The following KCNJ6 variants were observed in gnomAD, a reference collection of about 807,000 sequenced individuals.
The protein encoded by KCNJ6 is G protein-activated inward rectifier potassium channel 2.
Under a neutral mutation model 34.2 loss-of-function variants are expected in KCNJ6, and 9 were observed. That is an observed-to-expected ratio of 0.26 (90% confidence interval 0.16 to 0.46). The LOEUF is 0.46. KCNJ6 is among the 20% of genes least tolerant of loss of function. The pLI, the probability that KCNJ6 is intolerant of heterozygous loss-of-function variation, is 1.00. For synonymous variants in KCNJ6, 196 were observed against 207.1 expected (o/e 0.95, Z 0.46); for missense variants, 236 against 531.3 (o/e 0.44, Z 5.46).
chr21:37,638,933 C>T (rs1476535092), intron 3 of KCNJ6, among the ~76,000 whole-genome samples: 1 of 152,232 alleles, frequency 6.6e-6, no homozygotes, highest in African/African-American at 2.4e-5. Context: ...GGAACGGTCA[C>T]ATCCTTAACT....
chr21:37,839,369 T>C (rs1375282775), intron 2 of KCNJ6, among the ~76,000 whole-genome samples: 2 of 152,190 alleles, frequency 1.3e-5, no homozygotes, highest in Admixed American at 6.5e-5. Flanking sequence ...TGTTCAAGAC[T>C]TATGTAAAAT....
At chr21:37,906,188 A>G (rs2123650031) in intron 1 of KCNJ6, among the ~76,000 whole-genome samples, 1 of 152,364 alleles carries the variant, frequency 6.6e-6, no homozygotes, top group East Asian at 1.9e-4. Context: ...CTTTGTGCTC[A>G]TAATCTTTGC....
At chr21:37,641,907 G>A (rs1031861283) in intron 3 of KCNJ6, among the ~76,000 whole-genome samples, 1 of 152,160 alleles carries the variant, frequency 6.6e-6, no homozygotes, top group African/African-American at 2.4e-5. Flanking sequence ...ATATTTAGGA[G>A]GTCAAGTAGA....
At chr21:37,849,582 C>A (rs917108551) in intron 1 of KCNJ6, among the ~76,000 whole-genome samples, 2 of 152,202 alleles carry the variant, frequency 1.3e-5, no homozygotes, top group African/African-American at 4.8e-5. Flanking sequence ...TTGCCTGGAC[C>A]CTTCCCTTCC....
chr21:37,708,805 G>A (rs962081869), intron 3 of KCNJ6, among the ~76,000 whole-genome samples: 1 of 152,150 alleles, frequency 6.6e-6, no homozygotes, highest in African/African-American at 2.4e-5. Flanking sequence ...AATAAGATTT[G>A]AAAAATGTAG....
chr21:37,883,898 A>T (rs926167277), intron 1 of KCNJ6, among the ~76,000 whole-genome samples: 4 of 152,118 alleles, frequency 2.6e-5, no homozygotes, highest in Admixed American at 2.6e-4. Flanking sequence ...TTGGCTTTCC[A>T]GGTTGGTGAC....
chr21:37,883,032 A>T (rs1216758631), intron 1 of KCNJ6, among the ~76,000 whole-genome samples: 1 of 152,184 alleles, frequency 6.6e-6, no homozygotes, highest in East Asian at 1.9e-4. Flanking sequence ...GTGGGTCTGT[A>T]TGTGCATGTG....
chr21:37,830,125 C>T (rs2055418526), intron 2 of KCNJ6, among the ~76,000 whole-genome samples: 1 of 152,174 alleles, frequency 6.6e-6, no homozygotes, highest in Non-Finnish European at 1.5e-5. Context: ...ATCAGTGCAT[C>T]TTTCTGAGCC....
rs1361029526 is a variant in KCNJ6, at chr21:37,613,186, A to T, written c.*11973T>A. ...ACAGATGGAAAACAAGCATATAAAA[A>T]TATGTCCCAAATCATGTCATTAGGG... On this transcript the variant is annotated 3_prime_UTR_variant, in exon 4 of 4. Coordinates refer to ENST00000609713, the MANE Select transcript of KCNJ6 (RefSeq NM_002240.5). The T allele has an allele frequency of 4.6e-5, 7 of 152,258 alleles. No homozygotes were observed. The highest frequency in any genetic ancestry group is 4.6e-4 in the Admixed American group (7 of 15,294). 9.4% of individuals were successfully genotyped at this position (152,258 alleles called of 1,614,324 possible).
At chr21:37,905,371 C>G (rs2055836368) in intron 1 of KCNJ6, among the ~76,000 whole-genome samples, 1 of 152,170 alleles carries the variant, frequency 6.6e-6, no homozygotes, top group Non-Finnish European at 1.5e-5. Context: ...AGCTCATGTA[C>G]CATGCCGATG....
intron 3 of KCNJ6, among the ~76,000 whole-genome samples, chr21:37,693,956 C>T (rs1179607577): frequency 6.6e-6 from 1 of 151,752 alleles, no homozygotes; most frequent in Non-Finnish European, 1.5e-5. Context: ...AACATTGGAA[C>T]AAATATAATA....
intron 2 of KCNJ6, among the ~76,000 whole-genome samples, chr21:37,813,089 A>C (rs2055330653): frequency 6.6e-6 from 1 of 152,238 alleles, no homozygotes; most frequent in South Asian, 2.1e-4. Flanking sequence ...AAATCAATAT[A>C]CAAGAATGAG....
At chr21:37,752,149 G>A (rs551072757) in intron 2 of KCNJ6, among the ~76,000 whole-genome samples, 2 of 152,162 alleles carry the variant, frequency 1.3e-5, no homozygotes, top group African/African-American at 4.8e-5. Flanking sequence ...AGTGGGAGGT[G>A]GAGAAGCACT....
chr21:37,893,277 G>A (rs549045637), intron 1 of KCNJ6, among the ~76,000 whole-genome samples: 7 of 151,826 alleles, frequency 4.6e-5, no homozygotes, highest in South Asian at 2.1e-4. Flanking sequence ...GTGTGATCGC[G>A]GATCACTGCA....
chr21:37,907,315 G>A (rs550201415), intron 1 of KCNJ6, among the ~76,000 whole-genome samples: 2 of 152,284 alleles, frequency 1.3e-5, no homozygotes, highest in Admixed American at 1.3e-4. Flanking sequence ...TAGGGACTGA[G>A]ATATCATTTT....
At chr21:37,914,069 T>C (rs980535798) in intron 1 of KCNJ6, among the ~76,000 whole-genome samples, 1 of 144,298 alleles carries the variant, frequency 6.9e-6, no homozygotes. Flanking sequence ...GCGCGCGTCC[T>C]TTTTCTCCCC....
chr21:37,776,383 T>C (rs542538673), intron 2 of KCNJ6, among the ~76,000 whole-genome samples: 1 of 152,302 alleles, frequency 6.6e-6, no homozygotes, highest in East Asian at 1.9e-4. Flanking sequence ...TCCAACACTA[T>C]GTTGAATAGG....
At chr21:37,686,674 C>T (rs1366601672) in intron 3 of KCNJ6, among the ~76,000 whole-genome samples, 1 of 151,952 alleles carries the variant, frequency 6.6e-6, no homozygotes, top group East Asian at 1.9e-4. Flanking sequence ...AGCATGTTGG[C>T]CAGGCTGGTC....
chr21:37,628,345 TAA>T (rs2054319922), intron 3 of KCNJ6, among the ~76,000 whole-genome samples: 1 of 152,044 alleles, frequency 6.6e-6, no homozygotes, highest in Non-Finnish European at 1.5e-5. Context: ...ATAATAAAAA[TAA>T]GTTACATGTA....
Sources: allele counts gnomAD v4.1 joint callset (sites outside exome capture counted in the v4.1 genomes callset), GRCh38; gene constraint gnomAD v4.1.1; transcripts MANE v1.5; gene names NCBI Gene and HGNC (gene_info 2026-07-23, HGNC 2026-07-21).